Variants in DDX5 observed in about 807,000 individuals in gnomAD.
DDX5 encodes the protein DEAD-box helicase 5.
Under a neutral mutation model 68.6 loss-of-function variants are expected in DDX5, and 6 were observed. That is an observed-to-expected ratio of 0.09 (90% confidence interval 0.05 to 0.17). DDX5 has a LOEUF of 0.17. DDX5 is among the 10% of genes least tolerant of loss of function. The probability of loss-of-function intolerance (pLI) is 1.00; values close to 1 mark genes in which losing one functional copy is unlikely to be tolerated. For synonymous variants in DDX5, 350 were observed against 247.0 expected, an observed-to-expected ratio of 1.42 and a Z score of -3.91; for missense variants, 499 against 756.1, an observed-to-expected ratio of 0.66 and a Z score of 3.99.
Position 64,506,069 on chromosome 17 carries a change from A to C in DDX5, c.44+7T>G, listed in dbSNP as rs2038502143. 2 of 1,432,468 alleles carry C rather than the reference A, an allele frequency of 1.4e-6. No individual in the cohort carries two copies. Among genetic ancestry groups the C allele is most frequent in the East Asian group, 3.4e-5 (1 of 29,338 alleles). 88.7% of individuals were successfully genotyped at this position (1,432,468 alleles called of 1,614,324 possible). On this transcript the variant is annotated splice_region_variant and intron_variant, in intron 1 of 12. Coordinates refer to ENST00000225792, the MANE Select transcript of DDX5 (RefSeq NM_004396.5). ...GCCAGGCCTGACAGCTCGGCTCCCA[A>C]ACTCACCCTCGGTCCCGGCCGCGGT... is the stretch of plus-strand genomic sequence containing the variant.
At position 64,498,926 on chromosome 17, in the gene DDX5, C is replaced by T. The variant is rs2038225130; in HGVS notation, c.*997G>A. Reference sequence around the variant, plus strand: ...GTCATTAATTTTAATGAGGTTTTTTCCTTGTGTTGAGTATGAATAGACCTT... The same window carrying T: ...GTCATTAATTTTAATGAGGTTTTTTTCTTGTGTTGAGTATGAATAGACCTT... On this transcript the variant is annotated 3_prime_UTR_variant, in exon 13 of 13. Transcript: ENST00000225792. 6.6e-6 allele frequency among the ~76,000 whole-genome samples: 1 copy of T among 152,090 alleles called. No homozygotes were observed. The highest frequency in any genetic ancestry group is 1.5e-5 in the Non-Finnish European group (1 of 68,008).
rs782230372 is a variant in DDX5 at position 64,502,237 on chromosome 17, C to G, written c.1095-14G>C. On this transcript the variant is annotated splice_polypyrimidine_tract_variant and intron_variant, in intron 9 of 12. Transcript: ENST00000225792. ...ATGGCAGGCCACCTAAGTTAAAAGA[C>G]AAGTTGTGTTATTAAACTCACATTG... is the stretch of plus-strand genomic sequence containing the variant. 4 of 1,613,590 alleles carry G rather than the reference C, an allele frequency of 2.5e-6. No homozygotes were observed. The South Asian group carries it at 4.4e-5, about 18-fold the overall frequency.
At position 64,499,386 on chromosome 17, in the gene DDX5, A is replaced by G. The variant is rs1004505374; in HGVS notation, c.*537T>C. On this transcript the variant is annotated 3_prime_UTR_variant, in exon 13 of 13. Coordinates refer to ENST00000225792, the MANE Select transcript of DDX5 (RefSeq NM_004396.5). The stretch of plus-strand genomic sequence containing the variant: ...TGGAAGCTGACAAAGCTTTTATGCA[A>G]TTTAGCCTGTAACTAAAAATTCACC... Among the ~76,000 whole-genome samples, 14 of 152,198 alleles carry G rather than the reference A, an allele frequency of 9.2e-5. No individual in the cohort carries two copies. Among genetic ancestry groups the G allele is most frequent in the Middle Eastern group, 3.2e-3 (1 of 316 alleles).
At position 64,502,913 on chromosome 17, in the gene DDX5, TA is replaced by T; in HGVS notation, c.983+12del. 1 of 1,568,842 alleles carries T rather than the reference TA, an allele frequency of 6.4e-7. No individual in the cohort carries two copies. Among genetic ancestry groups the T allele is most frequent in the Non-Finnish European group, 8.6e-7 (1 of 1,157,970 alleles). ...TGTTAGGAAGCAAATATAACAGAGT[TA>T]ATAAAACTTACTTTTCATCCTTTTC... On this transcript the variant is annotated intron_variant, in intron 8 of 12. Coordinates refer to ENST00000225792, the MANE Select transcript of DDX5 (RefSeq NM_004396.5).
At chr17:64,505,815 CCCT>C (rs1458360900) in intron 1 of DDX5, 32 of 1,536,056 alleles carry the variant, frequency 2.1e-5, no homozygotes, top group African/African-American at 2.7e-5. Context: ...CCTCTCAACT[CCCT>C]CAACAGCTAC....
rs562205703 is a variant in DDX5 at position 64,505,278 on chromosome 17, G to GT, written c.45-437dup. 1.9e-3 allele frequency: 519 copies of GT among 280,180 alleles called. 1 individual carries two copies. The highest frequency in any genetic ancestry group is 0.011 in the African/African-American group (483 of 45,434). The allele number at this position is 280,180 out of a possible 1,614,324, so 17.4% of individuals were successfully genotyped here. ...GTTTTGGAACCAAACAGCTTTAGTG[G>GT]TAAGAACCTAAACAGTACAGTCAGC... On this transcript the variant is annotated intron_variant, in intron 1 of 12. Transcript: ENST00000225792.
intron 1 of DDX5, chr17:64,505,588 C>G: frequency 1.3e-6 from 1 of 785,832 alleles, no homozygotes; most frequent in Non-Finnish European, 2.1e-6. Flanking sequence ...ACAAAGGCGC[C>G]GCCGCCATGT....
At chr17:64,506,041 C>CCCCCCCCCCGG in intron 1 of DDX5, 35 bp downstream of exon 1, 1 of 1,554,436 alleles carries the variant, frequency 6.4e-7, no homozygotes, top group Non-Finnish European at 8.7e-7. Flanking sequence ...CATCCCCCCA[C>CCCCCCCCCCGG]CCGCCAGGCC....
chr17:64,498,660 CAG>C lies in DDX5; in HGVS notation c.*1261_*1262del, dbSNP rs2038214817. On this transcript the variant is annotated 3_prime_UTR_variant, in exon 13 of 13. Coordinates refer to ENST00000225792, the MANE Select transcript of DDX5 (RefSeq NM_004396.5). ...TCAATTAAAGCCTCAGTTTAATAAT[CAG>C]AATTTAAATGAAGTCTCCTGAAGAC... 1.3e-5 allele frequency among the ~76,000 whole-genome samples: 2 copies of C among 151,996 alleles called. No homozygotes were observed. Among genetic ancestry groups the C allele is most frequent in the Non-Finnish European group, 2.9e-5 (2 of 67,994 alleles).
Position 64,500,247 on chromosome 17 carries a change from G to C in DDX5, c.1521C>G (p.Thr507=), listed in dbSNP as rs782704842. The C allele has an allele frequency of 6.2e-7, 1 of 1,614,124 alleles. No homozygotes were observed. The highest frequency in any genetic ancestry group is 8.5e-7 in the Non-Finnish European group (1 of 1,180,018). The change falls in exon 13 of 13, where the codon ACC becomes ACG. Residue 507 remains threonine, a synonymous_variant. Coordinates refer to ENST00000225792, the MANE Select transcript of DDX5 (RefSeq NM_004396.5). Reference sequence around the variant, plus strand: ...TGTCATAATTTTCCCTGTCTCTAAAGGTATTAAATCCACCCCTTTTGCCCG... The same window carrying C: ...TGTCATAATTTTCCCTGTCTCTAAACGTATTAAATCCACCCCTTTTGCCCG... ...YSAGKRGGFN[T]FRDRENYDRG... is the part of the protein sequence containing the mutation.
intron 1 of DDX5, 56 bp downstream of exon 1, chr17:64,506,020 A>AGGCCC: frequency 2.3e-6 from 2 of 868,030 alleles, no homozygotes; most frequent in Non-Finnish European, 3.4e-6. Context: ...CGCCACCCTG[A>AGGCCC]CCCGCCCTCC....
intron 1 of DDX5, chr17:64,505,861 C>A: frequency 6.5e-7 from 1 of 1,536,062 alleles, no homozygotes. Flanking sequence ...CTCCCCAATC[C>A]CCACACAAAA....
At chr17:64,504,362 C>T (rs782701170) in intron 2 of DDX5, 44 bp from the exon 3 acceptor site, 4 of 1,511,466 alleles carry the variant, frequency 2.6e-6, no homozygotes, top group Non-Finnish European at 3.7e-6. Context: ...TGACAACCAC[C>T]CCTAGCTAAA....
At chr17:64,505,876 A>T in intron 1 of DDX5, 200 bp downstream of exon 1, 1 of 1,536,044 alleles carries the variant, frequency 6.5e-7, no homozygotes, top group Non-Finnish European at 8.7e-7. Context: ...ACAAAAAGCA[A>T]GCTTGAAGAC....
chr17:64,505,040 C>T (rs953256759), intron 1 of DDX5, 198 bp from the exon 2 acceptor site: 20 of 486,094 alleles, frequency 4.1e-5, no homozygotes, highest in South Asian at 1.2e-4. Flanking sequence ...GTACACATTA[C>T]TTAGGTCATG....
chr17:64,505,755 G>A (rs1041510884), intron 1 of DDX5: 12 of 1,536,028 alleles, frequency 7.8e-6, no homozygotes, highest in African/African-American at 4.1e-5. Context: ...CCTAACAGAT[G>A]TTCCTTCGTC....
intron 3 of DDX5, 29 bp downstream of exon 3, chr17:64,504,193 G>A (rs2144266992): frequency 1.2e-6 from 2 of 1,612,316 alleles, no homozygotes; most frequent in Non-Finnish European, 1.7e-6. Flanking sequence ...CAAAAACACG[G>A]GTAGGTAGAA....
intron 11 of DDX5, 193 bp from the exon 12 acceptor site, chr17:64,500,966 T>G: frequency 1.7e-6 from 1 of 594,272 alleles, no homozygotes; most frequent in Non-Finnish European, 3.0e-6. Flanking sequence ...GCACATGTCA[T>G]CTGTATAATT....
Position 64,499,836 on chromosome 17 carries a change from A to C in DDX5, c.*87T>G, listed in dbSNP as rs2038250271. ...CACTGCAGTCATTTCTGCAATTCCC[A>C]TGTTTCTTAAATAACTATCTTGTCA... On this transcript the variant is annotated 3_prime_UTR_variant, in exon 13 of 13. Coordinates refer to ENST00000225792, the MANE Select transcript of DDX5 (RefSeq NM_004396.5). 1 of 1,298,468 alleles carries C rather than the reference A, an allele frequency of 7.7e-7. No individual in the cohort carries two copies. Among genetic ancestry groups the C allele is most frequent in the Non-Finnish European group, 1.0e-6 (1 of 969,724 alleles). 80.4% of individuals were successfully genotyped at this position (1,298,468 alleles called of 1,614,324 possible).
Sources: allele counts gnomAD v4.1 joint callset (sites outside exome capture counted in the v4.1 genomes callset), GRCh38; gene constraint gnomAD v4.1.1; transcripts MANE v1.5; gene names NCBI Gene and HGNC (gene_info 2026-07-23, HGNC 2026-07-21).